FAM83B: variants seen among roughly 807,000 people sequenced by gnomAD.
FAM83B encodes scaffolding CK1 anchoring protein B.
A neutral mutation model predicts 38.8 loss-of-function variants in FAM83B; 26 were observed. The ratio of observed to expected loss-of-function variants is 0.67; its 90% confidence interval spans 0.49 to 0.93. The LOEUF (loss-of-function observed/expected upper bound fraction) is 0.93. Among genes scored for constraint, FAM83B ranks in the 40% least tolerant of loss-of-function variants. The pLI is 0.00. For missense variants in FAM83B, 1,237 were observed against 1,197.3 expected, an observed-to-expected ratio of 1.03 and a Z score of -0.49; for synonymous variants, 419 against 423.1, an observed-to-expected ratio of 0.99 and a Z score of 0.12.
intron 1 of FAM83B, among the ~76,000 whole-genome samples, chr6:54,862,289 G>C (rs746946136): frequency 1.3e-5 from 2 of 152,158 alleles, no homozygotes; most frequent in Non-Finnish European, 2.9e-5. Flanking sequence ...GACCAGTCTG[G>C]GCTGAGCACA....
upstream of FAM83B, among the ~76,000 whole-genome samples, chr6:54,846,298 T>C (rs35601036): frequency 0.02 from 3,005 of 152,290 alleles, 43 homozygotes; most frequent in Middle Eastern, 0.1. Flanking sequence ...CTACAACCCT[T>C]GCTCTCACCC....
intron 2 of FAM83B, among the ~76,000 whole-genome samples, chr6:54,877,614 C>A (rs1011708846): frequency 6.6e-6 from 1 of 152,186 alleles, no homozygotes; most frequent in Admixed American, 6.5e-5. Flanking sequence ...TTATATTATG[C>A]AATTTAGTAA....
intron 2 of FAM83B, among the ~76,000 whole-genome samples, chr6:54,916,585 T>A (rs1773043986): frequency 6.6e-6 from 1 of 152,214 alleles, no homozygotes; most frequent in Non-Finnish European, 1.5e-5. Context: ...TGTGGCAATA[T>A]ACACACTAAA....
intron 4 of FAM83B, among the ~76,000 whole-genome samples, chr6:54,929,374 T>C (rs1423368706): frequency 1.3e-5 from 2 of 152,126 alleles, no homozygotes; most frequent in African/African-American, 4.8e-5. Flanking sequence ...TGGGATATCA[T>C]TGGATTCTAA....
intron 2 of FAM83B, among the ~76,000 whole-genome samples, chr6:54,874,543 A>G (rs1771944375): frequency 6.6e-6 from 1 of 152,186 alleles, no homozygotes; most frequent in Non-Finnish European, 1.5e-5. Context: ...ATATGCACAT[A>G]TTCCTAATTA....
Position 54,940,526 on chromosome 6 carries a change from C to T in FAM83B, c.1555C>T (p.Arg519Ter), listed in dbSNP as rs745922707. 85 of 1,613,846 alleles carry T rather than the reference C, an allele frequency of 5.3e-5. No homozygotes were observed. Among genetic ancestry groups the T allele is most frequent in the Non-Finnish European group, 6.9e-5 (82 of 1,180,000 alleles). The change falls in exon 5 of 5, where the codon CGA becomes TGA. Residue 519 changes from arginine to a stop codon, truncating the protein, a stop_gained. Coordinates refer to ENST00000306858, the MANE Select transcript of FAM83B (RefSeq NM_001010872.3). LOFTEE classifies it low-confidence loss of function (END_TRUNC). The part of the protein sequence containing the change: ...PDSNGSALGD[R>*]FEGYDNPENL... ...CTCAAATGGATCAGCTTTAGGTGAC[C>T]GATTTGAGGGCTATGATAATCCTGA...
chr6:54,881,862 C>A (rs941186177), intron 2 of FAM83B, among the ~76,000 whole-genome samples: 3 of 152,154 alleles, frequency 2.0e-5, no homozygotes, highest in East Asian at 1.9e-4. Flanking sequence ...GTGCTGCACC[C>A]GTTAACTGGT....
At chr6:54,924,692 A>T (rs1216140451) in intron 2 of FAM83B, among the ~76,000 whole-genome samples, 4 of 151,786 alleles carry the variant, frequency 2.6e-5, no homozygotes, top group Non-Finnish European at 4.4e-5. Context: ...GGTCTTCTTC[A>T]CTTTTTCTCC....
intron 2 of FAM83B, among the ~76,000 whole-genome samples, chr6:54,890,936 A>G (rs1425863479): frequency 6.6e-6 from 1 of 150,744 alleles, no homozygotes; most frequent in Non-Finnish European, 1.5e-5. Flanking sequence ...ATTACTTCTA[A>G]TTTGCTTTCT....
intron 2 of FAM83B, among the ~76,000 whole-genome samples, chr6:54,875,581 A>C (rs958276384): frequency 7.9e-5 from 12 of 152,126 alleles, no homozygotes; most frequent in Admixed American, 7.2e-4. Flanking sequence ...ATTACATGTT[A>C]ATATATATTT....
chr6:54,883,186 G>A (rs894381671), intron 2 of FAM83B, among the ~76,000 whole-genome samples: 19 of 151,972 alleles, frequency 1.3e-4, no homozygotes, highest in South Asian at 2.1e-4. Flanking sequence ...CTTGTGATCC[G>A]CCCACCTTGG....
intron 2 of FAM83B, among the ~76,000 whole-genome samples, chr6:54,905,530 C>T (rs1273780435): frequency 6.6e-6 from 1 of 151,922 alleles, no homozygotes. Flanking sequence ...TATTCTTGGC[C>T]GTTTTGGAAT....
At chr6:54,869,047 C>T (rs148186987) in intron 1 of FAM83B, among the ~76,000 whole-genome samples, 1 of 152,286 alleles carries the variant, frequency 6.6e-6, no homozygotes, top group African/African-American at 2.4e-5. Flanking sequence ...ATTGAGAGAG[C>T]CCATTCCAGT....
intron 1 of FAM83B, among the ~76,000 whole-genome samples, chr6:54,855,508 T>G (rs1561903320): frequency 6.6e-6 from 1 of 152,226 alleles, no homozygotes; most frequent in Admixed American, 6.5e-5. Flanking sequence ...CTGAGAAATC[T>G]GTCACCTTTG....
chr6:54,892,480 T>G (rs1174733117), intron 2 of FAM83B, among the ~76,000 whole-genome samples: 3 of 151,994 alleles, frequency 2.0e-5, no homozygotes, highest in Non-Finnish European at 4.4e-5. Flanking sequence ...TGTCCATGTG[T>G]TCTCATCATT....
chr6:54,883,488 C>A (rs1316950422), intron 2 of FAM83B, among the ~76,000 whole-genome samples: 10 of 151,686 alleles, frequency 6.6e-5, no homozygotes, highest in Non-Finnish European at 1.3e-4. Context: ...GCATGTACCA[C>A]CATGCCTGGC....
chr6:54,875,088 AGTCATT>A (rs1341122635), intron 2 of FAM83B, among the ~76,000 whole-genome samples: 1 of 152,192 alleles, frequency 6.6e-6, no homozygotes, highest in Admixed American at 6.5e-5. Context: ...GCATTAAACA[AGTCATT>A]GTACCTCCTC....
intron 2 of FAM83B, among the ~76,000 whole-genome samples, chr6:54,886,739 C>T (rs1368401146): frequency 6.6e-6 from 1 of 151,384 alleles, no homozygotes; most frequent in Non-Finnish European, 1.5e-5. Context: ...TCTCATTATT[C>T]CCTTTTTCTT....
chr6:54,939,588 A>G (rs1323154974), intron 4 of FAM83B, 118 bp from the exon 5 acceptor site: 1 of 938,802 alleles, frequency 1.1e-6, no homozygotes, highest in East Asian at 2.8e-5. Context: ...AATATTCTAA[A>G]TAATGATAGC....
Sources: allele counts gnomAD v4.1 joint callset (sites outside exome capture counted in the v4.1 genomes callset), GRCh38; gene constraint gnomAD v4.1.1; transcripts MANE v1.5; gene names NCBI Gene and HGNC (gene_info 2026-07-23, HGNC 2026-07-21).